WASHC2A: variants seen among roughly 807,000 people sequenced by gnomAD.
WASHC2A encodes WASH complex subunit FAM21A.
In WASHC2A, 82 loss-of-function variants were observed where a neutral mutation model predicts 140.3. That is an observed-to-expected ratio of 0.58 (90% CI 0.49 to 0.70). The LOEUF is 0.70. Among genes scored for constraint, WASHC2A ranks in the 30% least tolerant of loss-of-function variants. The probability of loss-of-function intolerance (pLI) is 0.00; values close to 1 mark genes in which losing one functional copy is unlikely to be tolerated. For missense variants in WASHC2A, 985 were observed against 1,521.8 expected (o/e 0.65, Z 5.87); for synonymous variants, 340 against 560.8 (o/e 0.61, Z 5.56).
chr10:50,068,571 G>A (rs1220156943), intron 2 of WASHC2A, among the ~76,000 whole-genome samples: 1 of 151,196 alleles, frequency 6.6e-6, no homozygotes, highest in African/African-American at 2.4e-5. Flanking sequence ...AAACAAGCCA[G>A]TATGTGGATA....
In WASHC2A at chr10:50,116,347, G is replaced by T. The variant is rs556281461; in HGVS notation, c.2143-1559G>T. Reference sequence around the variant, plus strand: ...TTTTTTTTTTTTGAGACGGAGTCTTGCTCTTTCGTCCAGGCTGGAGTGCAG... The same window carrying T: ...TTTTTTTTTTTTGAGACGGAGTCTTTCTCTTTCGTCCAGGCTGGAGTGCAG... On this transcript the variant is annotated intron_variant, in intron 21 of 30. Coordinates refer to ENST00000282633, the MANE Select transcript of WASHC2A (RefSeq NM_001005751.3). 9.2e-4 allele frequency among the ~76,000 whole-genome samples: 68 copies of T among 74,220 alleles called. 7 individuals carry two copies. In the Middle Eastern group the frequency reaches 0.035, roughly 38 times the overall value. 48.7% of individuals were successfully genotyped at this position (74,220 alleles called of 152,430 possible).
chr10:50,097,600 G>A (rs2132645915), intron 15 of WASHC2A, 75 bp from the exon 16 acceptor site: 1 of 1,194,624 alleles, frequency 8.4e-7, no homozygotes, highest in East Asian at 2.5e-5. Context: ...TGGGAGGGAA[G>A]AATTTTTTAA....
rs782185637 is a variant in WASHC2A at position 50,068,146 on chromosome 10, G to A, written c.45G>A (p.Ser15=). The A allele has an allele frequency of 1.9e-6, 3 of 1,602,328 alleles. No homozygotes were observed. The East Asian group carries it at 6.7e-5, about 36-fold the overall frequency. ...TTPDQELAPA[S]EPVWERPWSV... Reference sequence around the variant, plus strand: ...CCGACCAGGAGCTGGCGCCAGCGTCGGAGCCCGTGTGGGAGCGGCCGTGGT... The same window carrying A: ...CCGACCAGGAGCTGGCGCCAGCGTCAGAGCCCGTGTGGGAGCGGCCGTGGT... Residue 15 remains serine, a synonymous_variant, in exon 2 of 31, where the codon TCG becomes TCA. Coordinates refer to ENST00000282633, the MANE Select transcript of WASHC2A (RefSeq NM_001005751.3).
At chr10:50,109,532 A>G (rs1428641478) in intron 19 of WASHC2A, among the ~76,000 whole-genome samples, 4 of 152,058 alleles carry the variant, frequency 2.6e-5, no homozygotes, top group Admixed American at 6.5e-5. Flanking sequence ...TTGTCGTAAT[A>G]CAGTGCAGAA....
chr10:50,081,201 A>T (rs1364218537), intron 5 of WASHC2A, among the ~76,000 whole-genome samples: 1 of 130,920 alleles, frequency 7.6e-6, no homozygotes, highest in African/African-American at 2.9e-5. Flanking sequence ...GGGAGAGAGG[A>T]GACATACATA....
chr10:50,103,851 C>T (rs1331514239), intron 17 of WASHC2A, among the ~76,000 whole-genome samples, 191 bp from the exon 18 acceptor site: 2 of 152,074 alleles, frequency 1.3e-5, no homozygotes, highest in Non-Finnish European at 2.9e-5. Context: ...CTCCTTAGTG[C>T]CACTGCACAC....
At chr10:50,115,916 G>A (rs1273336465) in intron 21 of WASHC2A, among the ~76,000 whole-genome samples, 2 of 152,158 alleles carry the variant, frequency 1.3e-5, no homozygotes, top group Non-Finnish European at 2.9e-5. Context: ...AGGAGTTTAG[G>A]ACCAGCCTGG....
In WASHC2A at chr10:50,130,969, A is replaced by T. The variant is rs1843915743; in HGVS notation, c.3777A>T (p.Glu1259Asp). ...CCAGAGAGAAGGAGAAAACATTGGA[A>T]TCTAATTTATTTGATGATAACATTG... ...QKTREKEKTL[E>D]SNLFDDNIDI... Residue 1259 changes from glutamate (E) to aspartate (D), a missense_variant, in exon 30 of 31, where the codon GAA becomes GAT. Glu to Asp is a conservative substitution (Grantham distance 45). Coordinates refer to ENST00000282633, the MANE Select transcript of WASHC2A (RefSeq NM_001005751.3). The T allele has an allele frequency of 1.2e-6, 2 of 1,610,194 alleles. No homozygotes were observed. Among genetic ancestry groups the T allele is most frequent in the African/African-American group, 2.7e-5 (2 of 74,692 alleles).
chr10:50,104,639 G>T lies in WASHC2A; in HGVS notation c.1737+496G>T, dbSNP rs1841570394. Among the ~76,000 whole-genome samples, 3 of 152,136 alleles carry T rather than the reference G, an allele frequency of 2.0e-5. No homozygotes were observed. The South Asian group carries it at 6.2e-4, about 32-fold the overall frequency. On this transcript the variant is annotated intron_variant, in intron 18 of 30. Coordinates refer to ENST00000282633, the MANE Select transcript of WASHC2A (RefSeq NM_001005751.3). ...CCCTAAGTGCTAGGATTACAGGTGT[G>T]AGCCACCATGCCTGGCTTCTTGACA...
chr10:50,101,657 C>T (rs1318796813), intron 17 of WASHC2A, among the ~76,000 whole-genome samples: 2 of 152,358 alleles, frequency 1.3e-5, no homozygotes, highest in African/African-American at 2.4e-5. Context: ...CAGTGACTTA[C>T]GAGATGTTCT....
At chr10:50,081,653 A>G (rs1348893982) in intron 5 of WASHC2A, among the ~76,000 whole-genome samples, 2 of 147,846 alleles carry the variant, frequency 1.4e-5, no homozygotes, top group Non-Finnish European at 3.0e-5. Flanking sequence ...TTTTTTTTTG[A>G]GACGGAGTTT....
intron 15 of WASHC2A, 99 bp downstream of exon 15, chr10:50,095,877 A>T: frequency 6.6e-7 from 1 of 1,504,948 alleles, no homozygotes; most frequent in Non-Finnish European, 9.0e-7. Context: ...TTACAGTGCC[A>T]GAATCCCTTC....
At chr10:50,070,424 GAATATCA>G (rs1837696232) in intron 3 of WASHC2A, among the ~76,000 whole-genome samples, 1 of 152,126 alleles carries the variant, frequency 6.6e-6, no homozygotes, top group African/African-American at 2.4e-5. Flanking sequence ...CCAACTTTCT[GAATATCA>G]GCATTCATTT....
chr10:50,131,196 A>T (rs1843935702), intron 30 of WASHC2A, 118 bp downstream of exon 30: 1 of 958,898 alleles, frequency 1.0e-6, no homozygotes, highest in South Asian at 1.4e-5. Flanking sequence ...GGTTCACTTC[A>T]GTGTAATCCT....
rs1438419730 is a variant in WASHC2A at position 50,129,913 on chromosome 10, G to T, written c.3582G>T (p.Lys1194Asn). The change falls in exon 29 of 31, where the codon AAG becomes AAT. Residue 1194 changes from lysine to asparagine, a missense_variant. Lys to Asn is a moderately conservative substitution (Grantham distance 94, BLOSUM62 0). Coordinates refer to ENST00000282633, the MANE Select transcript of WASHC2A (RefSeq NM_001005751.3). ...AGTCTGCTAAACCAAAACCAGCAAAGAAAACAAATCCCTTTCCTCTCCTGG... is the reference window on the plus strand; with the variant it reads ...AGTCTGCTAAACCAAAACCAGCAAATAAAACAAATCCCTTTCCTCTCCTGG... Reference protein sequence around the residue: ...LFQSAKPKPAKKTNPFPLLED... With the variant: ...LFQSAKPKPANKTNPFPLLED... 3.1e-6 allele frequency: 5 copies of T among 1,611,968 alleles called. No homozygotes were observed. The highest frequency in any genetic ancestry group is 4.2e-6 in the Non-Finnish European group (5 of 1,179,852).
chr10:50,090,222 C>T (rs1227551644), intron 8 of WASHC2A, among the ~76,000 whole-genome samples: 2 of 150,926 alleles, frequency 1.3e-5, no homozygotes, highest in African/African-American at 4.9e-5. Context: ...CATTTTTAGG[C>T]CGGGCTTGGT....
chr10:50,112,713 C>T (rs1842383819), intron 20 of WASHC2A, among the ~76,000 whole-genome samples: 1 of 151,588 alleles, frequency 6.6e-6, no homozygotes, highest in Non-Finnish European at 1.5e-5. Context: ...GACTGTTCTT[C>T]AGCAATAAAA....
chr10:50,074,202 TG>T (rs1838096230), intron 3 of WASHC2A, among the ~76,000 whole-genome samples: 1 of 108,204 alleles, frequency 9.2e-6, no homozygotes, highest in Non-Finnish European at 1.9e-5. Flanking sequence ...GACTGTAAAT[TG>T]ATCACAAAAC....
intron 10 of WASHC2A, 54 bp downstream of exon 10, chr10:50,091,572 T>G: frequency 1.3e-6 from 2 of 1,544,126 alleles, no homozygotes; most frequent in Non-Finnish European, 1.8e-6. Context: ...CAGGGCCCTC[T>G]GCTGGCTTCA....
Sources: allele counts gnomAD v4.1 joint callset (sites outside exome capture counted in the v4.1 genomes callset), GRCh38; gene constraint gnomAD v4.1.1; transcripts MANE v1.5; gene names NCBI Gene and HGNC (gene_info 2026-07-23, HGNC 2026-07-21).